DIAPH2: variants seen among roughly 807,000 people sequenced by gnomAD.
The protein encoded by DIAPH2 is protein diaphanous homolog 2.
In DIAPH2, 35 loss-of-function variants were observed where a neutral mutation model predicts 92.7. That is an observed-to-expected ratio of 0.38 (90% CI 0.29 to 0.50). The LOEUF is 0.50. Ranked by LOEUF, DIAPH2 falls within the 20% of genes least tolerant of loss-of-function variation. The pLI, the probability that DIAPH2 is intolerant of heterozygous loss-of-function variation, is 0.94. For missense variants in DIAPH2, 701 were observed against 819.5 expected, an observed-to-expected ratio of 0.86 and a Z score of 1.77; for synonymous variants, 301 against 280.4, an observed-to-expected ratio of 1.07 and a Z score of -0.73.
intron 26 of DIAPH2, among the ~76,000 whole-genome samples, chrX:97,451,520 C>T (rs1398634221): frequency 9.0e-6 from 1 of 110,746 alleles, no homozygotes; most frequent in African/African-American, 3.3e-5. Flanking sequence ...GACATGATGC[C>T]GAATTTAAGT....
chrX:97,504,838 G>A (rs771245258), intron 26 of DIAPH2, among the ~76,000 whole-genome samples: 1 of 112,264 alleles, frequency 8.9e-6, no homozygotes, highest in African/African-American at 3.2e-5. Flanking sequence ...TCAGAGATGA[G>A]TGTGTTCCCA....
At chrX:97,176,249 T>A (rs1384484761) in intron 22 of DIAPH2, among the ~76,000 whole-genome samples, 2 of 112,174 alleles carry the variant, frequency 1.8e-5, no homozygotes, top group Non-Finnish European at 3.8e-5. Context: ...CATTGAACAA[T>A]GATGAGTAGT....
chrX:97,340,958 G>T, intron 23 of DIAPH2: 1 of 106,248 alleles, frequency 9.4e-6, no homozygotes. Flanking sequence ...CTGGCAATTA[G>T]CCTTTCATAA....
At chrX:97,299,556 T>C (rs1344944706) in intron 23 of DIAPH2, among the ~76,000 whole-genome samples, 5 of 112,306 alleles carry the variant, frequency 4.5e-5, no homozygotes, top group South Asian at 3.7e-4. Context: ...GAGATTCAGA[T>C]GATTTGCCCA....
At chrX:97,278,421 A>G (rs2068469672) in intron 23 of DIAPH2, among the ~76,000 whole-genome samples, 1 of 111,447 alleles carries the variant, frequency 9.0e-6, no homozygotes, top group African/African-American at 3.3e-5. Context: ...TGTATCCACC[A>G]TTATAGCATT....
At chrX:97,227,490 G>A (rs2067974332) in intron 22 of DIAPH2, among the ~76,000 whole-genome samples, 1 of 111,810 alleles carries the variant, frequency 8.9e-6, no homozygotes, top group African/African-American at 3.3e-5. Flanking sequence ...TAGGCCCATT[G>A]AGAAGTACAA....
At chrX:97,266,806 C>A (rs755426552) in intron 23 of DIAPH2, among the ~76,000 whole-genome samples, 1 of 111,833 alleles carries the variant, frequency 8.9e-6, no homozygotes, top group Admixed American at 9.6e-5. Flanking sequence ...CTTTTAATTG[C>A]CTAATCTATT....
At chrX:97,325,049 C>A (rs1157617138) in intron 23 of DIAPH2, among the ~76,000 whole-genome samples, 2 of 112,277 alleles carry the variant, frequency 1.8e-5, no homozygotes, top group Non-Finnish European at 3.8e-5. Context: ...ATCCGCCCAC[C>A]TCGGCATCCC....
At chrX:96,708,573 T>C (rs1023090890) in intron 1 of DIAPH2, among the ~76,000 whole-genome samples, 14 of 111,775 alleles carry the variant, frequency 1.3e-4, no homozygotes, top group Non-Finnish European at 1.7e-4. Context: ...CATTCCTCAG[T>C]GTACCTACCT....
chrX:96,991,123 T>C, intron 17 of DIAPH2, among the ~76,000 whole-genome samples: 1 of 109,904 alleles, frequency 9.1e-6, no homozygotes, highest in Admixed American at 9.7e-5. Context: ...TCCCTCTTTT[T>C]TTTTTTTTGA....
Position 97,128,481 on chromosome X carries a change from G to GT in DIAPH2, c.2590-13183dup, listed in dbSNP as rs1307835218. Reference sequence around the variant, plus strand: ...CTTAACCATCTGGGAATGCAACCCAGTAGGTTTCAGCCTAATTTTACCCAG... The same window carrying GT: ...CTTAACCATCTGGGAATGCAACCCAGTTAGGTTTCAGCCTAATTTTACCCAG... On this transcript the variant is annotated intron_variant, in intron 21 of 26. Coordinates refer to ENST00000324765, the MANE Select transcript of DIAPH2 (RefSeq NM_006729.5). 4.5e-5 allele frequency among the ~76,000 whole-genome samples: 5 copies of GT among 111,620 alleles called. No individual in the cohort carries two copies. In the East Asian group the frequency reaches 1.4e-3, roughly 31 times the overall value.
At chrX:97,546,361 C>T (rs1602660974) in intron 26 of DIAPH2, among the ~76,000 whole-genome samples, 2 of 111,617 alleles carry the variant, frequency 1.8e-5, no homozygotes, top group Admixed American at 1.9e-4. Flanking sequence ...TTTAAAGTCC[C>T]TTAAAATTAT....
rs775656360 is a variant in DIAPH2 at position 96,775,356 on chromosome X, T to TGTGC, written c.447+17101_447+17102insCGTG. Reference sequence around the variant, plus strand: ...TCTTATTTTACTCAACGTGTGCTTGTGTGTGTGTGTGTGTGTGTGTGTGTG... The same window carrying TGTGC: ...TCTTATTTTACTCAACGTGTGCTTGTGTGCGTGTGTGTGTGTGTGTGTGTGTGTG... On this transcript the variant is annotated intron_variant, in intron 4 of 26. Coordinates refer to ENST00000324765, the MANE Select transcript of DIAPH2 (RefSeq NM_006729.5). Among the ~76,000 whole-genome samples, 125 of 43,513 alleles carry TGTGC rather than the reference T, an allele frequency of 2.9e-3. 1 individual carries two copies. The highest frequency in any genetic ancestry group is 6.3e-3 in the African/African-American group (122 of 19,279). 37.8% of individuals were successfully genotyped at this position (43,513 alleles called of 115,157 possible).
intron 26 of DIAPH2, among the ~76,000 whole-genome samples, chrX:97,560,832 A>G (rs954841715): frequency 1.8e-5 from 2 of 112,650 alleles, no homozygotes; most frequent in Non-Finnish European, 3.7e-5. Flanking sequence ...TCTTGAGACC[A>G]TGATGATGCC....
At chrX:97,009,050 G>A in intron 17 of DIAPH2, among the ~76,000 whole-genome samples, 1 of 110,953 alleles carries the variant, frequency 9.0e-6, no homozygotes, top group Admixed American at 9.6e-5. Flanking sequence ...ATCCAAAGAT[G>A]CCATCTGGGA....
intron 22 of DIAPH2, among the ~76,000 whole-genome samples, chrX:97,145,551 C>T (rs2067240764): frequency 9.2e-6 from 1 of 108,766 alleles, no homozygotes; most frequent in Admixed American, 9.9e-5. Flanking sequence ...ATATCACCAA[C>T]TTCCTTTTTC....
At chrX:96,837,972 T>G (rs912986833) in intron 4 of DIAPH2, among the ~76,000 whole-genome samples, 7 of 111,914 alleles carry the variant, frequency 6.3e-5, no homozygotes, top group Non-Finnish European at 1.3e-4. Flanking sequence ...AATCTCAGTT[T>G]TTCAAATTGG....
chrX:97,208,931 T>A (rs2067818463), intron 22 of DIAPH2, among the ~76,000 whole-genome samples: 2 of 110,363 alleles, frequency 1.8e-5, no homozygotes, highest in South Asian at 7.8e-4. Context: ...GTAATGTTTA[T>A]AGGTCTTCAT....
At chrX:97,306,538 C>T (rs753322942) in intron 23 of DIAPH2, among the ~76,000 whole-genome samples, 1 of 111,877 alleles carries the variant, frequency 8.9e-6, no homozygotes, top group Non-Finnish European at 1.9e-5. Context: ...AATTCTGAGC[C>T]TTCCTTATCT....
Sources: gnomAD v4.1 joint callset for allele counts (sites outside exome capture counted in the v4.1 genomes callset) on GRCh38, gnomAD v4.1.1 for gene constraint, MANE v1.5 for transcripts, NCBI Gene and HGNC (gene_info 2026-07-23, HGNC 2026-07-21) for gene names.